The following CTNNA2 variants were observed in gnomAD, a reference collection of about 807,000 sequenced individuals.
The protein encoded by CTNNA2 is catenin alpha-2.
A neutral mutation model predicts 101.0 loss-of-function variants in CTNNA2; 42 were observed. That is an observed-to-expected ratio of 0.42 (90% confidence interval 0.32 to 0.54). The LOEUF (loss-of-function observed/expected upper bound fraction) is 0.54, where lower values mean the gene tolerates loss of function less well. CTNNA2 is among the 20% of genes least tolerant of loss of function. The pLI is 0.14. For synonymous variants in CTNNA2, 450 were observed against 456.4 expected, an observed-to-expected ratio of 0.99 and a Z score of 0.18; for missense variants, 871 against 1,223.1, an observed-to-expected ratio of 0.71 and a Z score of 4.29.
intron 6 of CTNNA2, among the ~76,000 whole-genome samples, chr2:79,885,830 C>G (rs921339865): frequency 6.6e-6 from 1 of 152,194 alleles, no homozygotes; most frequent in Non-Finnish European, 1.5e-5. Flanking sequence ...ACCAAGAACA[C>G]TGGAAAGAGT....
intron 7 of CTNNA2, among the ~76,000 whole-genome samples, chr2:79,910,058 G>T (rs988705562): frequency 1.3e-5 from 2 of 152,158 alleles, no homozygotes; most frequent in Non-Finnish European, 2.9e-5. Context: ...TTTCTTCTCG[G>T]TCATTTTAGT....
intron 2 of CTNNA2, among the ~76,000 whole-genome samples, chr2:79,212,131 T>A (rs1400521168): frequency 6.6e-6 from 1 of 152,156 alleles, no homozygotes; most frequent in African/African-American, 2.4e-5. Context: ...CAAAGATTAT[T>A]TATTTACTTT....
At chr2:79,341,932 T>C (rs1328570768) in intron 3 of CTNNA2, among the ~76,000 whole-genome samples, 1 of 152,102 alleles carries the variant, frequency 6.6e-6, no homozygotes, top group Non-Finnish European at 1.5e-5. Flanking sequence ...CATGAAAGGG[T>C]GTCACGTTAA....
intron 2 of CTNNA2, among the ~76,000 whole-genome samples, chr2:79,663,814 C>T (rs1381128255): frequency 1.3e-5 from 2 of 152,178 alleles, no homozygotes; most frequent in Non-Finnish European, 2.9e-5. Context: ...CTAATTCATA[C>T]ATTTATCTCC....
chr2:80,067,006 G>A (rs1443263538), intron 7 of CTNNA2, among the ~76,000 whole-genome samples: 1 of 152,084 alleles, frequency 6.6e-6, no homozygotes, highest in Non-Finnish European at 1.5e-5. Context: ...AATATTGCAC[G>A]ATCTCACTTA....
At chr2:79,509,878 C>T (rs1426700231), upstream of CTNNA2, among the ~76,000 whole-genome samples, 1 of 152,152 alleles carries the variant, frequency 6.6e-6, no homozygotes, top group African/African-American at 2.4e-5. Flanking sequence ...CTTTGTACTT[C>T]TCACTCAATT....
chr2:80,478,833 T>C (rs1027527537), intron 9 of CTNNA2, among the ~76,000 whole-genome samples: 7 of 152,130 alleles, frequency 4.6e-5, no homozygotes, highest in Non-Finnish European at 1.0e-4. Flanking sequence ...AGATTTGTTC[T>C]TTTTGCTTAG....
At chr2:80,447,309 C>T (rs560636538) in intron 9 of CTNNA2, among the ~76,000 whole-genome samples, 8 of 152,212 alleles carry the variant, frequency 5.3e-5, no homozygotes, top group Admixed American at 3.9e-4. Flanking sequence ...GTGTAATGGG[C>T]GTACATTTGG....
chr2:80,629,471 G>A (rs1672045898), intron 18 of CTNNA2, among the ~76,000 whole-genome samples: 1 of 152,132 alleles, frequency 6.6e-6, no homozygotes, highest in Admixed American at 6.5e-5. Flanking sequence ...GAAGGGATCA[G>A]GAATCTGCAT....
intron 1 of CTNNA2, among the ~76,000 whole-genome samples, chr2:79,644,924 G>A (rs1323113761): frequency 6.6e-6 from 1 of 152,116 alleles, no homozygotes; most frequent in Admixed American, 6.5e-5. Flanking sequence ...CCGTACGCCA[G>A]AGTGGTTTTG....
chr2:79,398,260 T>C (rs1678253058), intron 4 of CTNNA2, among the ~76,000 whole-genome samples: 1 of 152,158 alleles, frequency 6.6e-6, no homozygotes, highest in South Asian at 2.1e-4. Context: ...TGTAGTAAAC[T>C]ATGATTTGTC....
intron 4 of CTNNA2, among the ~76,000 whole-genome samples, chr2:79,450,409 A>G (rs1678877259): frequency 6.6e-6 from 1 of 152,018 alleles, no homozygotes; most frequent in Non-Finnish European, 1.5e-5. Flanking sequence ...TTCTTATGTC[A>G]AACTTTGTAA....
intron 17 of CTNNA2, chr2:80,618,642 T>TA (rs1005452351): frequency 2.6e-5 from 4 of 152,578 alleles, no homozygotes; most frequent in African/African-American, 9.7e-5. Flanking sequence ...GCCAAAGGCT[T>TA]AAGGAAGGTC....
intron 7 of CTNNA2, among the ~76,000 whole-genome samples, chr2:80,096,708 T>C (rs1212250700): frequency 6.6e-6 from 1 of 152,228 alleles, no homozygotes; most frequent in Non-Finnish European, 1.5e-5. Context: ...GGTGCATATA[T>C]ATTTAGGATA....
intron 18 of CTNNA2, among the ~76,000 whole-genome samples, chr2:80,627,833 G>T (rs542361844): frequency 6.6e-6 from 1 of 152,076 alleles, no homozygotes; most frequent in African/African-American, 2.4e-5. Flanking sequence ...GGGTTTTTAT[G>T]ATTTTTAAGT....
chr2:79,435,126 G>A (rs985303277), intron 4 of CTNNA2, among the ~76,000 whole-genome samples: 20 of 152,030 alleles, frequency 1.3e-4, no homozygotes, highest in African/African-American at 2.4e-4. Flanking sequence ...TTGGCAGACC[G>A]GGCCCAGGAG....
intron 8 of CTNNA2, among the ~76,000 whole-genome samples, chr2:80,409,433 G>A (rs535647749): frequency 6.6e-6 from 1 of 152,304 alleles, no homozygotes; most frequent in African/African-American, 2.4e-5. Context: ...TATGAGGCCA[G>A]TCAACCATGT....
At chr2:79,810,333 C>T (rs918731472) in intron 3 of CTNNA2, among the ~76,000 whole-genome samples, 1 of 151,922 alleles carries the variant, frequency 6.6e-6, no homozygotes, top group Non-Finnish European at 1.5e-5. Flanking sequence ...GAGAAACGCC[C>T]ATAAAACCAT....
At chr2:79,888,916 C>T (rs945765176) in intron 6 of CTNNA2, among the ~76,000 whole-genome samples, 11 of 152,180 alleles carry the variant, frequency 7.2e-5, no homozygotes, top group Non-Finnish European at 7.4e-5. Flanking sequence ...TTTCAAATTT[C>T]GGACCCAAAT....
Sources: allele counts gnomAD v4.1 joint callset (sites outside exome capture counted in the v4.1 genomes callset), GRCh38; gene constraint gnomAD v4.1.1; transcripts MANE v1.5; gene names NCBI Gene and HGNC (gene_info 2026-07-23, HGNC 2026-07-21).